Variants in FHL1 observed in about 807,000 individuals in gnomAD.
The protein encoded by FHL1 is four and a half LIM domains protein 1.
Under a neutral mutation model 20.3 loss-of-function variants are expected in FHL1, and 1 was observed. The ratio of observed to expected loss-of-function variants is 0.05; its 90% CI spans 0.02 to 0.23. The LOEUF is 0.23. Ranked by LOEUF, FHL1 falls within the 10% of genes least tolerant of loss-of-function variation. FHL1 has a pLI of 1.00. For missense variants in FHL1, 177 were observed against 234.0 expected (o/e 0.76, Z 1.59); for synonymous variants, 82 against 88.9 (o/e 0.92, Z 0.44).
chrX:136,152,699 G>A (rs923606587), intron 1 of FHL1, among the ~76,000 whole-genome samples: 1 of 81,982 alleles, frequency 1.2e-5, no homozygotes, highest in Non-Finnish European at 2.2e-5. Flanking sequence ...CAGCCTGGGC[G>A]ACAGAGCTAG....
chrX:136,172,263 C>G (rs746786414), intron 2 of FHL1, among the ~76,000 whole-genome samples: 3 of 112,455 alleles, frequency 2.7e-5, no homozygotes, highest in African/African-American at 9.7e-5. Flanking sequence ...GGTGTTCTTT[C>G]TTCCTTTCTT....
At chrX:136,173,257 T>C (rs914885830) in intron 2 of FHL1, among the ~76,000 whole-genome samples, 8 of 112,873 alleles carry the variant, frequency 7.1e-5, no homozygotes, top group Non-Finnish European at 1.5e-4. Context: ...AAACATGTGT[T>C]TCACATGTAG....
intron 1 of FHL1, among the ~76,000 whole-genome samples, chrX:136,158,756 G>A (rs779777695): frequency 9.0e-6 from 1 of 111,445 alleles, no homozygotes; most frequent in Non-Finnish European, 1.9e-5. Flanking sequence ...TGTTATGACC[G>A]TCTTTGAAGC....
At chrX:136,180,780 C>T (rs923960558) in intron 2 of FHL1, among the ~76,000 whole-genome samples, 1 of 79,206 alleles carries the variant, frequency 1.3e-5, no homozygotes, top group African/African-American at 4.1e-5. Flanking sequence ...CTCACTCTCT[C>T]GCCCAGGCTG....
intron 1 of FHL1, among the ~76,000 whole-genome samples, chrX:136,153,768 C>T (rs187525543): frequency 3.2e-4 from 36 of 111,854 alleles, no homozygotes; most frequent in African/African-American, 1.2e-3. Flanking sequence ...AAATGGAGTA[C>T]TTTCTAAAAA....
At chrX:136,155,077 CT>C (rs1358672111) in intron 1 of FHL1, among the ~76,000 whole-genome samples, 1 of 112,283 alleles carries the variant, frequency 8.9e-6, no homozygotes, top group African/African-American at 3.2e-5. Flanking sequence ...CATTTCATTT[CT>C]TTCTGTAGCT....
chrX:136,207,278 G>A (rs2073869141), intron 3 of FHL1, 88 bp downstream of exon 3: 9 of 959,752 alleles, frequency 9.4e-6, no homozygotes, highest in African/African-American at 1.9e-5. Flanking sequence ...TGGGGCTAAC[G>A]TTGCTCTGAG....
chrX:136,166,143 T>C (rs1330521117), upstream of FHL1, among the ~76,000 whole-genome samples: 1 of 111,958 alleles, frequency 8.9e-6, no homozygotes, highest in African/African-American at 3.2e-5. Flanking sequence ...CACACAAATA[T>C]ACCCACCATG....
At chrX:136,207,455 C>T (rs967393327) in intron 3 of FHL1, 16 of 429,381 alleles carry the variant, frequency 3.7e-5, no homozygotes, top group African/African-American at 2.5e-4. Context: ...CTCATTTGGG[C>T]GTAGTAAGTG....
chrX:136,207,337 A>G lies in FHL1; in HGVS notation c.379+147A>G. ...TATGTACACATATACATACACGTAT[A>G]TATGCGTACACATATATGCTCGCAC... On this transcript the variant is annotated intron_variant, in intron 3 of 5. Transcript: ENST00000370683. The G allele has an allele frequency of 9.4e-6, 5 of 530,400 alleles. No homozygotes were observed. The South Asian group carries it at 9.6e-5, about 10-fold the overall frequency. The allele number at this position is 530,400 out of a possible 1,213,427, so 43.7% of individuals were successfully genotyped here.
upstream of FHL1, chrX:136,197,024 A>G (rs1211380517): frequency 8.2e-6 from 9 of 1,093,345 alleles, 1 homozygote; most frequent in Non-Finnish European, 7.6e-6. Context: ...TTCCCCTTAA[A>G]TGTATGTTCA....
chrX:136,166,155 G>A (rs2072703593), upstream of FHL1, among the ~76,000 whole-genome samples: 2 of 111,845 alleles, frequency 1.8e-5, no homozygotes, highest in Non-Finnish European at 1.9e-5. Context: ...CCCACCATGA[G>A]TGCTTCAGCC....
At chrX:136,149,976 T>C (rs2072222021) in intron 1 of FHL1, among the ~76,000 whole-genome samples, 1 of 111,950 alleles carries the variant, frequency 8.9e-6, no homozygotes, top group Non-Finnish European at 1.9e-5. Context: ...TGTTTTTTTC[T>C]CTGAGGAGTA....
chrX:136,206,749 C>T (rs1042216163), intron 2 of FHL1, among the ~76,000 whole-genome samples, 161 bp downstream of exon 2: 20 of 113,398 alleles, frequency 1.8e-4, no homozygotes, highest in African/African-American at 5.1e-4. Context: ...CACAGTGGCC[C>T]GAGCTGTTTA....
At chrX:136,146,907 G>C (rs1167824515), upstream of FHL1, 1 of 328,157 alleles carries the variant, frequency 3.0e-6, no homozygotes, top group African/African-American at 2.6e-5. Flanking sequence ...TAAGGGGAGG[G>C]GTCGTCGGTG....
At chrX:136,209,727 G>A (rs1278729730) in intron 5 of FHL1, 144 bp from the exon 6 acceptor site, 29 of 686,519 alleles carry the variant, frequency 4.2e-5, no homozygotes, top group Non-Finnish European at 6.2e-5. Flanking sequence ...GGGTCTGGGA[G>A]CCAGGCAGAC....
In FHL1 at chrX:136,210,070, TC is replaced by T; in HGVS notation, c.*46del. On this transcript the variant is annotated 3_prime_UTR_variant, in exon 6 of 6. Coordinates refer to ENST00000370683, the MANE Select transcript of FHL1 (RefSeq NM_001159699.2). The stretch of plus-strand genomic sequence containing the variant: ...CTGTAAAATGGCATTTGAATCTCGT[TC>T]TTTGTGTCCTTACTTTCTGCCCTAT... 1 of 1,208,342 alleles carries T rather than the reference TC, an allele frequency of 8.3e-7. No individual in the cohort carries two copies. The highest frequency in any genetic ancestry group is 1.1e-6 in the Non-Finnish European group (1 of 892,645).
At chrX:136,208,692 T>C in intron 5 of FHL1, 51 bp downstream of exon 5, 2 of 1,100,970 alleles carry the variant, frequency 1.8e-6, no homozygotes, top group Non-Finnish European at 1.3e-6. Flanking sequence ...TTGCGCATGG[T>C]AACCATCTCT....
chrX:136,147,273 G>C (rs377307561), upstream of FHL1: 1 of 109,621 alleles, frequency 9.1e-6, no homozygotes, highest in Non-Finnish European at 1.9e-5. Flanking sequence ...AGTGGCGGGG[G>C]CACGTGGGCG....
Sources: gnomAD v4.1 joint callset for allele counts (sites outside exome capture counted in the v4.1 genomes callset) on GRCh38, gnomAD v4.1.1 for gene constraint, MANE v1.5 for transcripts, NCBI Gene and HGNC (gene_info 2026-07-23, HGNC 2026-07-21) for gene names.